EYS: variants seen among roughly 807,000 people sequenced by gnomAD.
The protein encoded by EYS is protein eyes shut homolog.
In EYS, 250 loss-of-function variants were observed where a neutral mutation model predicts 282.1. That is an observed-to-expected ratio of 0.89 (90% CI 0.80 to 0.98). The LOEUF is 0.98. EYS is among the 50% of genes least tolerant of loss of function. EYS has a pLI of 0.00. For synonymous variants in EYS, 1,355 were observed against 1,282.9 expected (o/e 1.06, Z -1.20); for missense variants, 4,016 against 3,709.0 (o/e 1.08, Z -2.15).
chr6:64,824,055 T>C (rs1189576481), intron 19 of EYS, among the ~76,000 whole-genome samples: 1 of 151,952 alleles, frequency 6.6e-6, no homozygotes, highest in Admixed American at 6.6e-5. Context: ...CCACTCACTC[T>C]CCATGACTAG....
At chr6:64,975,257 G>A (rs563099243) in intron 14 of EYS, among the ~76,000 whole-genome samples, 8 of 151,462 alleles carry the variant, frequency 5.3e-5, no homozygotes, top group South Asian at 2.1e-4. Flanking sequence ...GACAACACCC[G>A]CCTGTATTAA....
chr6:65,241,541 C>T (rs1439237699), intron 12 of EYS, among the ~76,000 whole-genome samples: 1 of 151,998 alleles, frequency 6.6e-6, no homozygotes, highest in Non-Finnish European at 1.5e-5. Flanking sequence ...CTAATTTTTA[C>T]AAAAATTTCA....
At position 64,591,043 on chromosome 6, in the gene EYS, C is replaced by A. The variant is rs1766390148; in HGVS notation, c.4824G>T (p.Gly1608=). ...TTTCAGTAGCAGAAGAAAATGAATG[C>A]CCAGAAGTGATAGTTTGAGCTCCCA... ...ALMGAQTITS[G]HSFSSATEIT... The change falls in exon 26 of 43, where the codon GGG becomes GGT. Residue 1608 remains glycine (G), a synonymous_variant. Coordinates refer to ENST00000503581, the MANE Select transcript of EYS (RefSeq NM_001142800.2). The A allele has an allele frequency of 1.3e-6, 2 of 1,551,096 alleles. No individual in the cohort carries two copies. Among genetic ancestry groups the A allele is most frequent in the African/African-American group, 2.7e-5 (2 of 72,996 alleles).
chr6:64,633,509 C>A (rs2149863488), intron 22 of EYS, among the ~76,000 whole-genome samples: 1 of 148,838 alleles, frequency 6.7e-6, no homozygotes, highest in East Asian at 2.0e-4. Flanking sequence ...GTGGAAAGAA[C>A]AAAACAGGGA....
chr6:65,041,481 A>G (rs16880339), intron 13 of EYS, among the ~76,000 whole-genome samples: 22,668 of 151,688 alleles, frequency 0.15, 1,771 homozygotes, highest in East Asian at 0.24. Context: ...CCTGAACCCT[A>G]CTTTTACTGG....
chr6:65,374,688 C>T (rs1051372908), intron 8 of EYS, among the ~76,000 whole-genome samples: 10 of 152,044 alleles, frequency 6.6e-5, no homozygotes, highest in Non-Finnish European at 1.3e-4. Flanking sequence ...AGTCTGAAGT[C>T]GACCTGGGAT....
intron 19 of EYS, among the ~76,000 whole-genome samples, chr6:64,850,158 C>T (rs1027075473): frequency 3.9e-5 from 6 of 151,994 alleles, no homozygotes; most frequent in East Asian, 1.9e-4. Flanking sequence ...TCATAAACAG[C>T]GAAATTACTA....
intron 35 of EYS, among the ~76,000 whole-genome samples, chr6:63,964,805 T>C (rs1179346707): frequency 6.6e-6 from 1 of 151,876 alleles, no homozygotes; most frequent in Non-Finnish European, 1.5e-5. Flanking sequence ...TTGCTTATGA[T>C]TTAACAGACA....
intron 2 of EYS, among the ~76,000 whole-genome samples, chr6:65,615,949 AAG>A (rs139819637): frequency 0.77 from 112,528 of 145,786 alleles, 43,069 homozygotes; most frequent in South Asian, 0.83. Flanking sequence ...AGAAAAAAAA[AAG>A]AAAGAAAAAA....
At chr6:63,876,958 G>A (rs1277669377) in intron 35 of EYS, among the ~76,000 whole-genome samples, 1 of 152,104 alleles carries the variant, frequency 6.6e-6, no homozygotes, top group Non-Finnish European at 1.5e-5. Flanking sequence ...GGAGCATTTA[G>A]CCCATTTACA....
intron 14 of EYS, among the ~76,000 whole-genome samples, chr6:64,970,625 C>T (rs1467596199): frequency 6.6e-6 from 1 of 152,176 alleles, no homozygotes; most frequent in Non-Finnish European, 1.5e-5. Context: ...GCAAATTGTG[C>T]ATCACAGTAA....
chr6:65,541,607 A>C (rs1768170180), intron 2 of EYS, among the ~76,000 whole-genome samples: 1 of 152,126 alleles, frequency 6.6e-6, no homozygotes. Context: ...CATCAAAAAA[A>C]CTTTATCTGC....
intron 12 of EYS, among the ~76,000 whole-genome samples, chr6:65,234,839 A>C (rs776674695): frequency 2.0e-5 from 3 of 152,184 alleles, no homozygotes; most frequent in Non-Finnish European, 2.9e-5. Context: ...CAGGATTTAA[A>C]GATACTACAT....
chr6:65,264,559 T>A (rs1307197242), intron 12 of EYS, among the ~76,000 whole-genome samples: 1 of 152,060 alleles, frequency 6.6e-6, no homozygotes, highest in Non-Finnish European at 1.5e-5. Context: ...TTCGGCCATT[T>A]TATTTTGAGA....
chr6:64,213,233 A>G (rs933720271), intron 31 of EYS, among the ~76,000 whole-genome samples: 1 of 152,092 alleles, frequency 6.6e-6, no homozygotes, highest in Non-Finnish European at 1.5e-5. Context: ...GTTAAAAAAA[A>G]TTTCAACATA....
intron 1 of EYS, among the ~76,000 whole-genome samples, chr6:65,690,450 T>G (rs975914429): frequency 6.7e-6 from 1 of 149,798 alleles, no homozygotes; most frequent in Non-Finnish European, 1.5e-5. Context: ...TTCCCAGAGC[T>G]ATGAACATCT....
intron 14 of EYS, among the ~76,000 whole-genome samples, chr6:64,946,774 G>A (rs1390750060): frequency 2.6e-5 from 4 of 151,794 alleles, no homozygotes; most frequent in Non-Finnish European, 5.9e-5. Context: ...TGAAAAGTTA[G>A]TATTAAAAAA....
At chr6:64,494,982 GTTACTAC>G (rs1776847750) in intron 26 of EYS, among the ~76,000 whole-genome samples, 1 of 151,544 alleles carries the variant, frequency 6.6e-6, no homozygotes, top group Non-Finnish European at 1.5e-5. Flanking sequence ...TGATTATTCT[GTTACTAC>G]TTAAAAACTG....
intron 29 of EYS, among the ~76,000 whole-genome samples, chr6:64,378,580 A>G (rs912182757): frequency 6.6e-6 from 1 of 152,166 alleles, no homozygotes; most frequent in Non-Finnish European, 1.5e-5. Context: ...TTAAAATAAT[A>G]GTAAAGGATA....
Sources: gnomAD v4.1 joint callset for allele counts (sites outside exome capture counted in the v4.1 genomes callset) on GRCh38, gnomAD v4.1.1 for gene constraint, MANE v1.5 for transcripts, NCBI Gene and HGNC (gene_info 2026-07-23, HGNC 2026-07-21) for gene names.